The following RIMBP2 variants were observed in gnomAD, a reference collection of about 807,000 sequenced individuals.
RIMBP2 encodes the protein RIMS binding protein 2, also known as RIMS-binding protein 2.
A neutral mutation model predicts 118.6 loss-of-function variants in RIMBP2; 48 were observed. That is an observed-to-expected ratio of 0.40 (90% confidence interval 0.32 to 0.51). The LOEUF (loss-of-function observed/expected upper bound fraction) is 0.51. RIMBP2 is among the 20% of genes least tolerant of loss of function. RIMBP2 has a pLI of 0.41. For synonymous variants in RIMBP2, 762 were observed against 742.9 expected (o/e 1.03, Z -0.42); for missense variants, 1,551 against 1,768.3 (o/e 0.88, Z 2.20).
chr12:130,481,976 G>A lies in RIMBP2; in HGVS notation c.-3-2960C>T, dbSNP rs1367823899. Among the ~76,000 whole-genome samples, 3 of 149,070 alleles carry A rather than the reference G, an allele frequency of 2.0e-5. No individual in the cohort carries two copies. The East Asian group carries it at 6.1e-4, about 30-fold the overall frequency. On this transcript the variant is annotated intron_variant, in intron 4 of 22. Transcript: ENST00000690449. ...CCACCGCCCACCACCAGTTCACTGT[G>A]AGTGCAAACCAGCTGCATACATTGC...
chr12:130,474,179 G>A (rs2081245363), intron 5 of RIMBP2, among the ~76,000 whole-genome samples: 1 of 152,132 alleles, frequency 6.6e-6, no homozygotes, highest in South Asian at 2.1e-4. Context: ...GTCTCAAGTG[G>A]ACCACGGGCA....
rs769514982 is a variant in RIMBP2 at position 130,475,518 on chromosome 12, A to T, written c.102+3394T>A. Among the ~76,000 whole-genome samples the T allele has an allele frequency of 1.3e-5, 2 of 152,202 alleles. No homozygotes were observed. The highest frequency in any genetic ancestry group is 2.9e-5 in the Non-Finnish European group (2 of 68,036). ...CAACATTATAGGATGGAGGAAGCTG[A>T]GGATGAAAGCACAAAGAGGCAGGGA... On this transcript the variant is annotated intron_variant, in intron 5 of 22. Coordinates refer to ENST00000690449, the MANE Select transcript of RIMBP2 (RefSeq NM_001393629.1). The surrounding 1 kb of genome is among the most constrained non-coding windows in gnomAD (Gnocchi z 4.1).
At chr12:130,412,052 G>A (rs2075761975) in intron 19 of RIMBP2, among the ~76,000 whole-genome samples, 1 of 151,858 alleles carries the variant, frequency 6.6e-6, no homozygotes, top group African/African-American at 2.4e-5. Context: ...GTTATTGCAC[G>A]TGGAAAAAAA....
intron 2 of RIMBP2, among the ~76,000 whole-genome samples, chr12:130,616,463 C>T (rs2060942255): frequency 6.6e-6 from 1 of 152,190 alleles, no homozygotes; most frequent in African/African-American, 2.4e-5. Context: ...CGGTTGCAAA[C>T]CTCTTCTTGA....
intron 6 of RIMBP2, 80 bp from the exon 7 acceptor site, chr12:130,456,780 TACGTGTGCACATGTGCACTGTGTGC>T (rs1227470950): frequency 2.8e-5 from 31 of 1,104,572 alleles, no homozygotes; most frequent in Middle Eastern, 2.0e-4. Context: ...ACATGTGTTG[TACGTGTGCACATGTGCACTGTGTGC>T]ACGTGTGTAC....
At chr12:130,410,911 C>T (rs1354194033) in intron 19 of RIMBP2, among the ~76,000 whole-genome samples, 1 of 152,194 alleles carries the variant, frequency 6.6e-6, no homozygotes, top group Non-Finnish European at 1.5e-5. Context: ...GCACAGATTT[C>T]GAATGGTCTT....
chr12:130,404,611 T>C (rs1281237581), intron 21 of RIMBP2, among the ~76,000 whole-genome samples: 1 of 152,202 alleles, frequency 6.6e-6, no homozygotes, highest in Admixed American at 6.5e-5. Context: ...AAGAGTAAAC[T>C]TAAGATATAT....
chr12:130,647,577 T>C (rs910241669), intron 1 of RIMBP2, among the ~76,000 whole-genome samples: 1 of 144,834 alleles, frequency 6.9e-6, no homozygotes, highest in Non-Finnish European at 1.6e-5. Flanking sequence ...CACCAGTCTT[T>C]GTTCTAAATT....
chr12:130,451,194 C>G lies in RIMBP2; in HGVS notation c.504+1G>C, dbSNP rs1451846888. On this transcript the variant is annotated splice_donor_variant, in intron 8 of 22. Coordinates refer to ENST00000690449, the MANE Select transcript of RIMBP2 (RefSeq NM_001393629.1). LOFTEE classifies it high-confidence loss of function. ...GGCAGCCCCTGCGGGACGGGACTCACGTCTGACTCAGATCTGCATCTTGCG... is the reference window on the plus strand; with the variant it reads ...GGCAGCCCCTGCGGGACGGGACTCAGGTCTGACTCAGATCTGCATCTTGCG... 6.2e-7 allele frequency: 1 copy of G among 1,613,448 alleles called. No homozygotes were observed. The highest frequency in any genetic ancestry group is 1.7e-5 in the Admixed American group (1 of 60,006).
intron 2 of RIMBP2, among the ~76,000 whole-genome samples, chr12:130,550,481 AT>A (rs1291307528): frequency 6.6e-6 from 1 of 152,308 alleles, no homozygotes; most frequent in East Asian, 1.9e-4. Flanking sequence ...CTTTAATTAT[AT>A]TGGGTGAATG....
intron 6 of RIMBP2, 56 bp from the exon 7 acceptor site, chr12:130,456,756 G>T (rs2079481301): frequency 7.5e-7 from 1 of 1,334,002 alleles, no homozygotes; most frequent in Non-Finnish European, 1.0e-6. Flanking sequence ...GTGGAAATGT[G>T]TGTGCGCCTG....
intron 2 of RIMBP2, among the ~76,000 whole-genome samples, chr12:130,601,770 T>C (rs1238192750): frequency 6.6e-6 from 1 of 152,254 alleles, no homozygotes; most frequent in African/African-American, 2.4e-5. Context: ...AATTTGATCC[T>C]ATTGCTGGGA....
At chr12:130,471,012 T>A (rs1039804587) in intron 5 of RIMBP2, among the ~76,000 whole-genome samples, 10 of 152,278 alleles carry the variant, frequency 6.6e-5, no homozygotes, top group Admixed American at 6.5e-4. Flanking sequence ...AGCAGAAGCA[T>A]CCCTCCAATG....
chr12:130,695,070 C>T (rs1382603899), intron 1 of RIMBP2, among the ~76,000 whole-genome samples: 1 of 152,208 alleles, frequency 6.6e-6, no homozygotes, highest in African/African-American at 2.4e-5. Context: ...TTCCACTAGG[C>T]TCTGGAGCAC....
rs1454093426 is a variant in RIMBP2 at position 130,475,597 on chromosome 12, A to G, written c.102+3315T>C. Reference sequence around the variant, plus strand: ...TTTCCAGGACCTGGACTGAAGGAAGAGGCCAGGGGCTCCAGGCGGGCGTCT... The same window carrying G: ...TTTCCAGGACCTGGACTGAAGGAAGGGGCCAGGGGCTCCAGGCGGGCGTCT... On this transcript the variant is annotated intron_variant, in intron 5 of 22. Coordinates refer to ENST00000690449, the MANE Select transcript of RIMBP2 (RefSeq NM_001393629.1). The surrounding 1 kb of genome is among the most constrained non-coding windows in gnomAD (Gnocchi z 4.1). 1.3e-5 allele frequency among the ~76,000 whole-genome samples: 2 copies of G among 152,118 alleles called. No homozygotes were observed. Among genetic ancestry groups the G allele is most frequent in the African/African-American group, 2.4e-5 (1 of 41,422 alleles).
At chr12:130,700,525 T>C (rs2065807094) in intron 1 of RIMBP2, among the ~76,000 whole-genome samples, 1 of 151,860 alleles carries the variant, frequency 6.6e-6, no homozygotes, top group South Asian at 2.1e-4. Flanking sequence ...CTTCTGGAGA[T>C]GGAGAAGGCC....
intron 6 of RIMBP2, among the ~76,000 whole-genome samples, chr12:130,468,385 C>T (rs961550238): frequency 5.9e-5 from 9 of 152,150 alleles, no homozygotes; most frequent in Admixed American, 3.9e-4. Context: ...TCAGCAGGTC[C>T]GAGGCCGGGC....
chr12:130,445,398 G>A (rs2078443690), intron 9 of RIMBP2, 129 bp from the exon 10 acceptor site: 6 of 590,456 alleles, frequency 1.0e-5, no homozygotes, highest in East Asian at 3.0e-5. Flanking sequence ...CCACATAATC[G>A]TTCGGGGCTG....
intron 6 of RIMBP2, among the ~76,000 whole-genome samples, chr12:130,460,286 G>A (rs985550101): frequency 6.6e-5 from 10 of 152,154 alleles, no homozygotes; most frequent in Admixed American, 2.6e-4. Context: ...CAGGCCCCTC[G>A]GTAGGCTGGA....
Sources: gnomAD v4.1 joint callset for allele counts (sites outside exome capture counted in the v4.1 genomes callset) on GRCh38, gnomAD v4.1.1 for gene constraint, Gnocchi (gnomAD v3.1) non-coding constraint, MANE v1.5 for transcripts, NCBI Gene and HGNC (gene_info 2026-07-23, HGNC 2026-07-21) for gene names.